Variants in RAP1A observed in about 807,000 individuals in gnomAD.
RAP1A encodes the protein ras-related protein Rap-1A.
Under a neutral mutation model 26.4 loss-of-function variants are expected in RAP1A, and 6 were observed. That is an observed-to-expected ratio of 0.23 (90% CI 0.12 to 0.45). The LOEUF is 0.45. RAP1A is among the 20% of genes least tolerant of loss of function. The pLI, the probability that RAP1A is intolerant of heterozygous loss-of-function variation, is 0.99. For missense variants in RAP1A, 121 were observed against 217.2 expected, an observed-to-expected ratio of 0.56 and a Z score of 2.78; for synonymous variants, 73 against 79.4, an observed-to-expected ratio of 0.92 and a Z score of 0.43.
intron 1 of RAP1A, among the ~76,000 whole-genome samples, chr1:111,564,804 A>G (rs1239111464): frequency 1.3e-5 from 2 of 149,588 alleles, no homozygotes; most frequent in African/African-American, 2.5e-5. Context: ...GAGCCACCAC[A>G]CCCGGCCTGT....
chr1:111,652,893 T>C (rs1219106366), intron 1 of RAP1A, among the ~76,000 whole-genome samples: 1 of 152,180 alleles, frequency 6.6e-6, no homozygotes, highest in Non-Finnish European at 1.5e-5. Context: ...AATATAGAGT[T>C]ATCTTACGAC....
At chr1:111,669,505 A>G (rs1203300282) in intron 1 of RAP1A, among the ~76,000 whole-genome samples, 4 of 152,184 alleles carry the variant, frequency 2.6e-5, no homozygotes, top group Non-Finnish European at 4.4e-5. Context: ...GAAGGGGGCA[A>G]TACTCTAAGG....
chr1:111,656,209 G>C (rs2101147250), intron 1 of RAP1A, among the ~76,000 whole-genome samples: 1 of 151,692 alleles, frequency 6.6e-6, no homozygotes, highest in South Asian at 2.1e-4. Context: ...ACCTTGGAGG[G>C]AGATGAAGTA....
At chr1:111,652,773 A>G (rs1157626388) in intron 1 of RAP1A, among the ~76,000 whole-genome samples, 1 of 152,158 alleles carries the variant, frequency 6.6e-6, no homozygotes, top group African/African-American at 2.4e-5. Flanking sequence ...GCTGATGAGA[A>G]TGTAAAATGG....
At chr1:111,563,663 A>C (rs1334697575) in intron 1 of RAP1A, among the ~76,000 whole-genome samples, 3 of 152,212 alleles carry the variant, frequency 2.0e-5, no homozygotes, top group Non-Finnish European at 4.4e-5. Context: ...ATTTTCACGT[A>C]TATTATGTCA....
intron 3 of RAP1A, among the ~76,000 whole-genome samples, chr1:111,696,931 T>C (rs1661849523): frequency 6.6e-6 from 1 of 152,220 alleles, no homozygotes; most frequent in African/African-American, 2.4e-5. Flanking sequence ...CTTTTATGTC[T>C]TAAACTCAGA....
chr1:111,640,002 C>G (rs912539933), intron 1 of RAP1A, among the ~76,000 whole-genome samples: 1 of 152,188 alleles, frequency 6.6e-6, no homozygotes, highest in African/African-American at 2.4e-5. Flanking sequence ...CAAAATTTAA[C>G]CTAAATGCTT....
Position 111,683,112 on chromosome 1 carries a change from G to T in RAP1A, c.-27-8222G>T, listed in dbSNP as rs565485828. On this transcript the variant is annotated intron_variant, in intron 1 of 7. Coordinates refer to ENST00000369709, the MANE Select transcript of RAP1A (RefSeq NM_002884.4). ...TAAGGCAGAAATAAATAAGTTCTTTGAAATCAATGAGAACAAAGACACAAC... is the reference window on the plus strand; with the variant it reads ...TAAGGCAGAAATAAATAAGTTCTTTTAAATCAATGAGAACAAAGACACAAC... Among the ~76,000 whole-genome samples, 88 of 152,246 alleles carry T rather than the reference G, an allele frequency of 5.8e-4. 1 individual carries two copies. Among genetic ancestry groups the T allele is most frequent in the Non-Finnish European group, 9.4e-4 (64 of 68,018 alleles).
At chr1:111,645,789 G>A (rs1001349779) in intron 1 of RAP1A, among the ~76,000 whole-genome samples, 2 of 152,206 alleles carry the variant, frequency 1.3e-5, no homozygotes, top group African/African-American at 4.8e-5. Flanking sequence ...GCAGAACTGG[G>A]CTTTAAACCC....
At chr1:111,638,660 A>G (rs1470157550) in intron 1 of RAP1A, among the ~76,000 whole-genome samples, 2 of 152,154 alleles carry the variant, frequency 1.3e-5, no homozygotes, top group Non-Finnish European at 2.9e-5. Context: ...TCTTGGGCTC[A>G]AGCCATTCAC....
chr1:111,696,045 C>G (rs774023383), intron 3 of RAP1A, among the ~76,000 whole-genome samples: 1 of 152,116 alleles, frequency 6.6e-6, no homozygotes, highest in Non-Finnish European at 1.5e-5. Flanking sequence ...TGGGAAATCT[C>G]TGCACCTTCC....
At chr1:111,637,434 G>A (rs1247763957) in intron 1 of RAP1A, among the ~76,000 whole-genome samples, 1 of 152,006 alleles carries the variant, frequency 6.6e-6, no homozygotes, top group African/African-American at 2.4e-5. Flanking sequence ...TTTATGTATT[G>A]TATGTATATC....
In RAP1A at chr1:111,665,259, T is replaced by C. The variant is rs576567455; in HGVS notation, c.-27-26075T>C. ...AGTTATAATTATGCATTTTTACTTA[T>C]AATTATTCCAAATTTATACTTTTTC... On this transcript the variant is annotated intron_variant, in intron 1 of 7. Coordinates refer to ENST00000369709, the MANE Select transcript of RAP1A (RefSeq NM_002884.4). 8.7e-4 allele frequency among the ~76,000 whole-genome samples: 133 copies of C among 152,360 alleles called. 1 individual carries two copies. Among genetic ancestry groups the C allele is most frequent in the Admixed American group, 4.2e-3 (65 of 15,312 alleles).
intron 1 of RAP1A, among the ~76,000 whole-genome samples, chr1:111,578,180 T>C (rs531962104): frequency 5.9e-5 from 9 of 152,174 alleles, no homozygotes; most frequent in African/African-American, 2.2e-4. Context: ...CTAGAGTGTG[T>C]GTGTTGTGTG....
chr1:111,658,139 C>T (rs911984948), intron 1 of RAP1A, among the ~76,000 whole-genome samples: 12 of 152,200 alleles, frequency 7.9e-5, no homozygotes, highest in African/African-American at 1.4e-4. Context: ...GGGATACGTT[C>T]GGAGAAATAT....
chr1:111,711,368 T>A (rs1304057972), intron 7 of RAP1A, among the ~76,000 whole-genome samples: 1 of 152,214 alleles, frequency 6.6e-6, no homozygotes, highest in Non-Finnish European at 1.5e-5. Flanking sequence ...TTAGCTTATG[T>A]TAAAGGAAAA....
At chr1:111,675,401 G>C (rs1007303709) in intron 1 of RAP1A, among the ~76,000 whole-genome samples, 12 of 152,080 alleles carry the variant, frequency 7.9e-5, no homozygotes, top group Admixed American at 7.9e-4. Context: ...GAACCCAGGA[G>C]GCGGAGTTTG....
At chr1:111,639,936 G>A (rs915248767) in intron 1 of RAP1A, among the ~76,000 whole-genome samples, 3 of 152,178 alleles carry the variant, frequency 2.0e-5, no homozygotes, top group Non-Finnish European at 4.4e-5. Context: ...CATCACAATG[G>A]TGATTTTGTG....
chr1:111,691,303 T>C, intron 1 of RAP1A, 31 bp from the exon 2 acceptor site: 1 of 1,499,274 alleles, frequency 6.7e-7, no homozygotes, highest in Non-Finnish European at 9.3e-7. Context: ...AGCATGTTTC[T>C]TAATCTTTGA....
Sources: allele counts gnomAD v4.1 joint callset (sites outside exome capture counted in the v4.1 genomes callset), GRCh38; gene constraint gnomAD v4.1.1; transcripts MANE v1.5; gene names NCBI Gene and HGNC (gene_info 2026-07-23, HGNC 2026-07-21).